The following GXYLT1 variants were observed in gnomAD, a reference collection of about 807,000 sequenced individuals.
GXYLT1 encodes the protein glucoside xylosyltransferase 1, also known as glycosyltransferase 8 domain containing 3.
A neutral mutation model predicts 54.0 loss-of-function variants in GXYLT1; 29 were observed. The ratio of observed to expected loss-of-function variants is 0.54; its 90% CI spans 0.40 to 0.73. The LOEUF is 0.73. GXYLT1 is among the 30% of genes least tolerant of loss of function. The pLI, the probability that GXYLT1 is intolerant of heterozygous loss-of-function variation, is 0.00. For synonymous variants in GXYLT1, 176 were observed against 204.1 expected, an observed-to-expected ratio of 0.86 and a Z score of 1.17; for missense variants, 490 against 553.4, an observed-to-expected ratio of 0.89 and a Z score of 1.15.
intron 2 of GXYLT1, among the ~76,000 whole-genome samples, chr12:42,124,749 G>C (rs1222557421): frequency 6.6e-6 from 1 of 152,128 alleles, no homozygotes; most frequent in East Asian, 1.9e-4. Context: ...ACTGGGGTAG[G>C]CAAGAAAGCC....
rs774219341 is a variant in GXYLT1, at chr12:42,097,459, A to T, written c.1144T>A (p.Tyr382Asn). 5 of 1,582,778 alleles carry T rather than the reference A, an allele frequency of 3.2e-6. No individual in the cohort carries two copies. The highest frequency in any genetic ancestry group is 2.7e-5 in the African/African-American group (2 of 72,836). The change falls in exon 7 of 8, where the codon TAT becomes AAT. Residue 382 changes from tyrosine to asparagine, a missense_variant. Tyr to Asn is a moderately radical substitution (Grantham distance 143). Around this residue, in one of 2 missense-constraint regions of GXYLT1, gnomAD observed 342 missense variants for 342.6 expected, o/e 1.00. Coordinates refer to ENST00000398675, the MANE Select transcript of GXYLT1 (RefSeq NM_173601.2). ...AATCTTACATTTCTCAGTGCTTCAT[A>T]AACAGCTCTAAATGCTGGTTGCTTA... ...DDKQPAFRAV[Y>N]EALRNCSFED...
chr12:42,112,695 G>C (rs1384425264), intron 3 of GXYLT1, among the ~76,000 whole-genome samples: 1 of 152,078 alleles, frequency 6.6e-6, no homozygotes, highest in East Asian at 1.9e-4. Flanking sequence ...GGAGAGAATG[G>C]AACCAAGTTG....
intron 5 of GXYLT1, among the ~76,000 whole-genome samples, chr12:42,104,558 A>AT (rs1491407380): frequency 1.3e-4 from 1 of 7,842 alleles, no homozygotes; most frequent in African/African-American, 1.5e-3. Flanking sequence ...AGGGAAAGCT[A>AT]AAAAAAAAAA....
At chr12:42,109,504 T>C in intron 4 of GXYLT1, 62 bp downstream of exon 4, 9 of 1,187,294 alleles carry the variant, frequency 7.6e-6, no homozygotes, top group Non-Finnish European at 9.9e-6. Flanking sequence ...GACTCATGTG[T>C]AAAAGTAAGG....
chr12:42,137,874 C>T (rs2065629914), intron 1 of GXYLT1, among the ~76,000 whole-genome samples: 1 of 151,864 alleles, frequency 6.6e-6, no homozygotes, highest in South Asian at 2.1e-4. Context: ...GCATGTATAC[C>T]CTCCCTGTGA....
chr12:42,125,902 C>A (rs2065558304), intron 2 of GXYLT1, among the ~76,000 whole-genome samples: 1 of 151,940 alleles, frequency 6.6e-6, no homozygotes, highest in Non-Finnish European at 1.5e-5. Flanking sequence ...TGGCATGCAC[C>A]TGTAGTCCCA....
chr12:42,131,873 G>A (rs1416037940), intron 1 of GXYLT1, among the ~76,000 whole-genome samples: 2 of 152,116 alleles, frequency 1.3e-5, no homozygotes, highest in African/African-American at 2.4e-5. Context: ...TATGATCTCC[G>A]TCTTTCAGAT....
chr12:42,129,236 A>G (rs2065580620), intron 2 of GXYLT1, among the ~76,000 whole-genome samples: 1 of 152,210 alleles, frequency 6.6e-6, no homozygotes, highest in Non-Finnish European at 1.5e-5. Context: ...ACTAGTCAGT[A>G]ACTTAAAAGG....
chr12:42,121,699 T>C (rs2065532531), intron 2 of GXYLT1, among the ~76,000 whole-genome samples: 2 of 151,874 alleles, frequency 1.3e-5, no homozygotes. Context: ...CAGGAACTCC[T>C]CCCAGGTATT....
In GXYLT1 at chr12:42,099,559, T is replaced by G. The variant is rs778587282; in HGVS notation, c.865-1526A>C. 1.8e-4 allele frequency among the ~76,000 whole-genome samples: 28 copies of G among 152,102 alleles called. 1 individual carries two copies. The highest frequency in any genetic ancestry group is 8.8e-5 in the Non-Finnish European group (6 of 67,990). ...TGAGAACCACTATTTAAATATTACT[T>G]AATAGTTATGATGTCAGGCACAGCG... On this transcript the variant is annotated intron_variant, in intron 5 of 7. Transcript: ENST00000398675.
chr12:42,114,708 G>C (rs1284418088), intron 3 of GXYLT1, among the ~76,000 whole-genome samples: 1 of 152,122 alleles, frequency 6.6e-6, no homozygotes, highest in Admixed American at 6.5e-5. Flanking sequence ...GGTACAAAGA[G>C]GAGCTGGTAC....
intron 7 of GXYLT1, among the ~76,000 whole-genome samples, chr12:42,091,491 C>T (rs1436897758): frequency 6.6e-6 from 1 of 152,086 alleles, no homozygotes; most frequent in Non-Finnish European, 1.5e-5. Flanking sequence ...CCTGCAAAGT[C>T]TCAGAACCCC....
intron 2 of GXYLT1, among the ~76,000 whole-genome samples, chr12:42,125,171 A>G (rs1290891018): frequency 4.6e-5 from 7 of 152,180 alleles, no homozygotes; most frequent in Admixed American, 4.6e-4. Context: ...GAAGGAAGGA[A>G]GCAAGCAGCC....
chr12:42,093,036 AT>A (rs2065337241), intron 7 of GXYLT1, among the ~76,000 whole-genome samples: 2 of 152,322 alleles, frequency 1.3e-5, no homozygotes, highest in South Asian at 4.1e-4. Flanking sequence ...CTTGGTTAGG[AT>A]GTCTCAACAC....
At position 42,097,892 on chromosome 12, in the gene GXYLT1, A is replaced by G; in HGVS notation, c.988+18T>C. The G allele has an allele frequency of 1.9e-6, 3 of 1,542,024 alleles. No homozygotes were observed. Among genetic ancestry groups the G allele is most frequent in the Admixed American group, 1.9e-5 (1 of 53,662 alleles). The stretch of plus-strand genomic sequence containing the variant: ...CTGTGATTTTTTTAATGCAAATAAA[A>G]GGAATTTAAATAATTACCTGGATTA... On this transcript the variant is annotated intron_variant, in intron 6 of 7. Transcript: ENST00000398675.
intron 2 of GXYLT1, among the ~76,000 whole-genome samples, chr12:42,120,126 ATTG>A (rs1033052994): frequency 2.0e-5 from 3 of 152,140 alleles, no homozygotes; most frequent in African/African-American, 7.2e-5. Flanking sequence ...TTTTAAAAAC[ATTG>A]TTATTAAAAA....
chr12:42,098,065 A>G (rs2065367231), intron 5 of GXYLT1, 32 bp from the exon 6 acceptor site: 3 of 1,600,904 alleles, frequency 1.9e-6, no homozygotes, highest in African/African-American at 1.3e-5. Flanking sequence ...AGAGCTTCAG[A>G]CTTTCAGGCT....
At chr12:42,096,388 G>A (rs2065355722) in intron 7 of GXYLT1, among the ~76,000 whole-genome samples, 5 of 152,094 alleles carry the variant, frequency 3.3e-5, no homozygotes, top group Admixed American at 3.3e-4. Context: ...AAGTGATGAG[G>A]ACATGTCAAA....
intron 1 of GXYLT1, among the ~76,000 whole-genome samples, chr12:42,137,182 G>T (rs1254512913): frequency 6.6e-6 from 1 of 152,154 alleles, no homozygotes; most frequent in Non-Finnish European, 1.5e-5. Context: ...AGATGAGCCT[G>T]ACCAACATGG....
Sources: allele counts gnomAD v4.1 joint callset (sites outside exome capture counted in the v4.1 genomes callset), GRCh38; gene constraint gnomAD v4.1.1; regional missense constraint gnomAD v4.1.1; transcripts MANE v1.5; gene names NCBI Gene and HGNC (gene_info 2026-07-23, HGNC 2026-07-21).